The following RAB38 variants were observed in gnomAD, a reference collection of about 807,000 sequenced individuals.
RAB38 encodes the protein ras-related protein Rab-38.
RAB38 carries 15 observed loss-of-function variants against 18.4 expected under a neutral mutation model. The observed-to-expected ratio is 0.82, with a 90% CI of 0.55 to 1.26. The LOEUF (loss-of-function observed/expected upper bound fraction) is 1.26. Among genes scored for constraint, RAB38 ranks in the 50% most tolerant of loss-of-function variants. The pLI, the probability that RAB38 is intolerant of heterozygous loss-of-function variation, is 0.00. For synonymous variants in RAB38, 101 were observed against 104.4 expected, an observed-to-expected ratio of 0.97 and a Z score of 0.20; for missense variants, 294 against 267.4, an observed-to-expected ratio of 1.10 and a Z score of -0.69.
chr11:88,067,152 T>C, the RAB38 span, among the ~76,000 whole-genome samples: 3 of 152,014 alleles, frequency 2.0e-5, no homozygotes, highest in East Asian at 5.8e-4. Flanking sequence ...TGAGGGAAAA[T>C]TCAAACTGAC....
chr11:87,897,845 G>T, the RAB38 span, among the ~76,000 whole-genome samples: 3 of 151,564 alleles, frequency 2.0e-5, no homozygotes, highest in Admixed American at 2.0e-4. Flanking sequence ...CAAGTGGAAT[G>T]ACCAGAACAC....
intron 2 of RAB38, 144 bp downstream of exon 2, chr11:88,149,531 G>T: frequency 1.0e-6 from 1 of 983,864 alleles, no homozygotes; most frequent in Non-Finnish European, 1.4e-6. Flanking sequence ...TCATTGCACT[G>T]AGATGAGAAA....
the RAB38 span, among the ~76,000 whole-genome samples, chr11:88,072,659 A>G: frequency 6.6e-6 from 1 of 152,212 alleles, no homozygotes; most frequent in African/African-American, 2.4e-5. Flanking sequence ...AAAATAAATC[A>G]CAAGGAAAAA....
At chr11:88,021,308 A>G in the RAB38 span, among the ~76,000 whole-genome samples, 3 of 152,170 alleles carry the variant, frequency 2.0e-5, no homozygotes, top group Non-Finnish European at 4.4e-5. Context: ...GCTGTCAGCA[A>G]CTATATGCCA....
the RAB38 span, among the ~76,000 whole-genome samples, chr11:87,960,386 AAG>A: frequency 7.0e-4 from 104 of 148,976 alleles, no homozygotes; most frequent in African/African-American, 1.3e-3. Context: ...CAACAAAAAA[AAG>A]AAAAAAAGAG....
At chr11:88,068,372 G>C in the RAB38 span, among the ~76,000 whole-genome samples, 40 of 151,814 alleles carry the variant, frequency 2.6e-4, no homozygotes, top group Non-Finnish European at 4.1e-4. Flanking sequence ...CCTAATCTTA[G>C]GTAATAGAAA....
the RAB38 span, among the ~76,000 whole-genome samples, chr11:87,891,738 T>A: frequency 6.6e-6 from 1 of 151,896 alleles, no homozygotes; most frequent in Non-Finnish European, 1.5e-5. Flanking sequence ...ATTTGAAATG[T>A]GTTGTAGAAC....
intron 1 of RAB38, 109 bp from the exon 2 acceptor site, chr11:88,150,064 G>T: frequency 8.8e-7 from 1 of 1,136,608 alleles, no homozygotes; most frequent in Non-Finnish European, 1.2e-6. Context: ...AAAGTGCTTC[G>T]TCTTTACTGA....
chr11:87,832,881 G>C, the RAB38 span, among the ~76,000 whole-genome samples: 1 of 150,924 alleles, frequency 6.6e-6, no homozygotes, highest in African/African-American at 2.4e-5. Context: ...CCAGAGATTA[G>C]AACATCTCAC....
the RAB38 span, among the ~76,000 whole-genome samples, chr11:87,887,661 GATGATAGGATCTCAAAAAC>G: frequency 6.6e-6 from 1 of 151,940 alleles, no homozygotes; most frequent in African/African-American, 2.4e-5. Flanking sequence ...AAATTTGGAA[GATGATAGGATCTCAAAAAC>G]ATGATGTTAT....
At chr11:88,149,250 C>G (rs1299227708) in intron 2 of RAB38, among the ~76,000 whole-genome samples, 1 of 152,212 alleles carries the variant, frequency 6.6e-6, no homozygotes, top group Non-Finnish European at 1.5e-5. Flanking sequence ...GGAGGAAGCA[C>G]AATTCCTGAT....
At chr11:88,114,398 A>G (rs2134767330) in intron 2 of RAB38, among the ~76,000 whole-genome samples, 1 of 152,342 alleles carries the variant, frequency 6.6e-6, no homozygotes, top group East Asian at 1.9e-4. Context: ...AATTTCAGTT[A>G]GAGGGCAATT....
At chr11:88,050,113 T>G in the RAB38 span, 1 of 152,212 alleles carries the variant, frequency 6.6e-6, no homozygotes, top group African/African-American at 2.4e-5. Context: ...AAGGTACTGG[T>G]GCAGACAGCT....
chr11:87,850,160 T>G, the RAB38 span, among the ~76,000 whole-genome samples: 1 of 152,184 alleles, frequency 6.6e-6, no homozygotes, highest in African/African-American at 2.4e-5. Context: ...GTTTTGTCTG[T>G]AGAGGTACCA....
intron 1 of RAB38, among the ~76,000 whole-genome samples, chr11:88,152,111 T>C (rs981620862): frequency 6.6e-6 from 1 of 152,206 alleles, no homozygotes; most frequent in African/African-American, 2.4e-5. Flanking sequence ...TCTCCTTTGA[T>C]ACTGCCCAGA....
chr11:88,086,307 G>T, the RAB38 span, among the ~76,000 whole-genome samples: 17 of 151,972 alleles, frequency 1.1e-4, no homozygotes, highest in South Asian at 3.5e-3. Context: ...GTTATATTTT[G>T]TTATGCCAAG....
the RAB38 span, among the ~76,000 whole-genome samples, chr11:88,032,294 C>G: frequency 6.6e-6 from 1 of 152,186 alleles, no homozygotes; most frequent in East Asian, 1.9e-4. Context: ...AAAACCTAGG[C>G]ATTACTATTC....
the RAB38 span, among the ~76,000 whole-genome samples, chr11:87,803,901 T>G: frequency 1.9e-3 from 286 of 152,350 alleles, 1 homozygote; most frequent in African/African-American, 6.5e-3. Flanking sequence ...AATAACTTTC[T>G]GTGGCCCATG....
At chr11:88,136,458 G>C (rs551544766) in intron 2 of RAB38, among the ~76,000 whole-genome samples, 3 of 152,166 alleles carry the variant, frequency 2.0e-5, no homozygotes, top group Non-Finnish European at 2.9e-5. Context: ...AACAGAGAAG[G>C]AGAGGGCAAA....
Sources: allele counts gnomAD v4.1 joint callset (sites outside exome capture counted in the v4.1 genomes callset), GRCh38; gene constraint gnomAD v4.1.1; transcripts MANE v1.5; gene names NCBI Gene and HGNC (gene_info 2026-07-23, HGNC 2026-07-21).